CDC14B: variants seen among roughly 807,000 people sequenced by gnomAD.
The protein encoded by CDC14B is dual specificity protein phosphatase CDC14B.
A neutral mutation model predicts 64.2 loss-of-function variants in CDC14B; 22 were observed. The ratio of observed to expected loss-of-function variants is 0.34; its 90% CI spans 0.24 to 0.49. CDC14B has a LOEUF of 0.49. Among genes scored for constraint, CDC14B ranks in the 20% least tolerant of loss-of-function variants. The pLI, the probability that CDC14B is intolerant of heterozygous loss-of-function variation, is 0.99. For missense variants in CDC14B, 498 were observed against 629.9 expected (o/e 0.79, Z 2.24); for synonymous variants, 191 against 215.8 (o/e 0.89, Z 1.01).
intron 1 of CDC14B, among the ~76,000 whole-genome samples, chr9:96,595,075 C>T (rs773771698): frequency 2.6e-5 from 4 of 151,280 alleles, no homozygotes; most frequent in African/African-American, 9.7e-5. Context: ...TTCTTGAACC[C>T]GGGAGGCAGA....
chr9:96,594,492 G>A (rs1349557734), intron 1 of CDC14B, among the ~76,000 whole-genome samples: 2 of 152,002 alleles, frequency 1.3e-5, no homozygotes, highest in Non-Finnish European at 2.9e-5. Flanking sequence ...CAAGGCAGGT[G>A]GATCATTTGA....
chr9:96,566,261 ATACT>A (rs1369356135), intron 1 of CDC14B, among the ~76,000 whole-genome samples: 2 of 152,210 alleles, frequency 1.3e-5, no homozygotes, highest in African/African-American at 4.8e-5. Flanking sequence ...TGCTAAGAAA[ATACT>A]TACACTCACA....
chr9:96,533,965 C>G lies in CDC14B; in HGVS notation c.908G>C (p.Cys303Ser), dbSNP rs770145424. The change falls in exon 9 of 14, where the codon TGT becomes TCT. Residue 303 changes from cysteine to serine, a missense_variant. Transcript: ENST00000375241. ...TGCAATGGCACCCTCAGCATTTTCACAGATATCTAGGAATTCTTTGACAAT... is the reference window on the plus strand; with the variant it reads ...TGCAATGGCACCCTCAGCATTTTCAGAGATATCTAGGAATTCTTTGACAAT... Reference protein sequence around the residue: ...DAIVKEFLDICENAEGAIAVH... With the variant: ...DAIVKEFLDISENAEGAIAVH... 2.1e-5 allele frequency: 34 copies of G among 1,612,784 alleles called. 1 individual carries two copies. In the South Asian group the frequency reaches 3.7e-4, roughly 18 times the overall value.
chr9:96,520,033 G>T (rs1183418649), intron 12 of CDC14B, among the ~76,000 whole-genome samples: 1 of 152,154 alleles, frequency 6.6e-6, no homozygotes, highest in South Asian at 2.1e-4. Context: ...GGGAAAGAAA[G>T]AAAATCTTCA....
intron 4 of CDC14B, among the ~76,000 whole-genome samples, chr9:96,561,549 G>A (rs921642926): frequency 6.6e-5 from 10 of 152,028 alleles, no homozygotes; most frequent in African/African-American, 2.4e-4. Flanking sequence ...CGCGATCTCC[G>A]CTCACTGCAA....
intron 1 of CDC14B, among the ~76,000 whole-genome samples, chr9:96,589,684 C>T (rs1167832156): frequency 6.6e-6 from 1 of 152,046 alleles, no homozygotes; most frequent in East Asian, 1.9e-4. Flanking sequence ...TTAGGCCGGG[C>T]ACGGTGGCTC....
chr9:96,544,735 A>C (rs1587900625), intron 5 of CDC14B, among the ~76,000 whole-genome samples: 1 of 151,834 alleles, frequency 6.6e-6, no homozygotes, highest in Non-Finnish European at 1.5e-5. Context: ...GAGCTCAAGC[A>C]CTCTGCCTGC....
chr9:96,596,931 T>C (rs1203475706), intron 1 of CDC14B, among the ~76,000 whole-genome samples: 3 of 151,430 alleles, frequency 2.0e-5, no homozygotes, highest in Non-Finnish European at 4.4e-5. Context: ...AGCAGATAAT[T>C]ATATGTTAAG....
intron 6 of CDC14B, among the ~76,000 whole-genome samples, chr9:96,541,056 C>A (rs2131850959): frequency 6.6e-6 from 1 of 152,314 alleles, no homozygotes; most frequent in Non-Finnish European, 1.5e-5. Flanking sequence ...AGAAAGTAAA[C>A]CTGGGTTCCT....
At chr9:96,597,123 C>T (rs1846133666) in intron 1 of CDC14B, among the ~76,000 whole-genome samples, 1 of 151,970 alleles carries the variant, frequency 6.6e-6, no homozygotes, top group South Asian at 2.1e-4. Flanking sequence ...TTAAAAGCAG[C>T]CAGAGAAAAA....
intron 4 of CDC14B, among the ~76,000 whole-genome samples, chr9:96,555,813 A>C (rs1434272696): frequency 6.6e-6 from 1 of 152,122 alleles, no homozygotes; most frequent in Non-Finnish European, 1.5e-5. Flanking sequence ...TTTGCTGAAC[A>C]ATACCTCAAC....
intron 1 of CDC14B, among the ~76,000 whole-genome samples, chr9:96,576,607 A>G (rs150914683): frequency 0.048 from 6,884 of 142,750 alleles, 565 homozygotes; most frequent in African/African-American, 0.17. Context: ...CACTCCAGCC[A>G]GGGCGACAGA....
intron 2 of CDC14B, among the ~76,000 whole-genome samples, chr9:96,565,120 A>G (rs1843727436): frequency 1.3e-5 from 2 of 152,172 alleles, no homozygotes; most frequent in Non-Finnish European, 1.5e-5. Flanking sequence ...TTTTCCACAC[A>G]TATTTCCAAG....
chr9:96,547,227 A>G (rs991998557), intron 5 of CDC14B, among the ~76,000 whole-genome samples: 10 of 151,882 alleles, frequency 6.6e-5, no homozygotes, highest in Non-Finnish European at 1.0e-4. Context: ...CACTCTGGGA[A>G]GCCGAGGCTG....
At chr9:96,567,005 C>T (rs1844098745) in intron 1 of CDC14B, 1 of 1,409,178 alleles carries the variant, frequency 7.1e-7, no homozygotes, top group African/African-American at 1.5e-5. Flanking sequence ...GTCCCCAAGT[C>T]CTGGAAAAAG....
intron 1 of CDC14B, among the ~76,000 whole-genome samples, chr9:96,585,332 G>A (rs978312028): frequency 3.3e-5 from 5 of 151,796 alleles, no homozygotes; most frequent in Non-Finnish European, 4.4e-5. Flanking sequence ...CATGCATTAG[G>A]TATTTGTCCT....
intron 12 of CDC14B, among the ~76,000 whole-genome samples, chr9:96,520,437 C>T (rs1836511537): frequency 6.6e-6 from 1 of 152,070 alleles, no homozygotes; most frequent in South Asian, 2.1e-4. Context: ...CCTCAGACTC[C>T]TGGGCTCAAG....
At chr9:96,596,632 G>C (rs1181103380) in intron 1 of CDC14B, among the ~76,000 whole-genome samples, 1 of 152,138 alleles carries the variant, frequency 6.6e-6, no homozygotes, top group Non-Finnish European at 1.5e-5. Flanking sequence ...AGGCCAAGGA[G>C]GGGGGATTGC....
Position 96,565,512 on chromosome 9 carries a change from C to T in CDC14B, c.161-29G>A, listed in dbSNP as rs776913028. 7 of 1,434,078 alleles carry T rather than the reference C, an allele frequency of 4.9e-6. No homozygotes were observed. In the Admixed American group the frequency reaches 1.0e-4, roughly 21 times the overall value. 88.8% of individuals were successfully genotyped at this position (1,434,078 alleles called of 1,614,324 possible). On this transcript the variant is annotated intron_variant, in intron 1 of 13. Coordinates refer to ENST00000375241, the MANE Select transcript of CDC14B (RefSeq NM_033331.4). ...AAATGGAAAAATTGCAATGTTCCTT[C>T]CTGGAGGTTACAAAAAACGTTTCAT...
Sources: gnomAD v4.1 joint callset for allele counts (sites outside exome capture counted in the v4.1 genomes callset) on GRCh38, gnomAD v4.1.1 for gene constraint, MANE v1.5 for transcripts, NCBI Gene and HGNC (gene_info 2026-07-23, HGNC 2026-07-21) for gene names.